The following TNFRSF11A variants were observed in gnomAD, a reference collection of about 807,000 sequenced individuals.
TNFRSF11A encodes TNF receptor superfamily member 11a.
In TNFRSF11A, 32 loss-of-function variants were observed where a neutral mutation model predicts 55.7. That is an observed-to-expected ratio of 0.57 (90% CI 0.43 to 0.77). The LOEUF (loss-of-function observed/expected upper bound fraction) is 0.77. Among genes scored for constraint, TNFRSF11A ranks in the 30% least tolerant of loss-of-function variants. The pLI is 0.00. For missense variants in TNFRSF11A, 753 were observed against 809.8 expected (o/e 0.93, Z 0.85); for synonymous variants, 311 against 331.0 (o/e 0.94, Z 0.65).
rs1272074772 is a variant in TNFRSF11A, at chr18:62,384,880, T to G, written c.1697T>G (p.Met566Arg). ...QEGAAAAAEPMGRPVQEETLA... is the reference protein window; with the variant it reads ...QEGAAAAAEPRGRPVQEETLA... ...GGCGCGGCGGCGGCTGCGGAGCCCA[T>G]GGGCCGCCCGGTGCAGGAGGAGACC... is the stretch of plus-strand genomic sequence containing the variant. The change falls in exon 10 of 10, where the codon ATG becomes AGG. Residue 566 changes from methionine (M) to arginine (R), a missense_variant. By Grantham distance (91) the Met-to-Arg change is moderately conservative. Transcript: ENST00000586569. 1 of 1,594,102 alleles carries G rather than the reference T, an allele frequency of 6.3e-7. No individual in the cohort carries two copies. The highest frequency in any genetic ancestry group is 1.7e-5 in the Admixed American group (1 of 57,262).
chr18:62,383,493 G>T lies in TNFRSF11A; in HGVS notation c.1568-1258G>T, dbSNP rs116879043. On this transcript the variant is annotated intron_variant, in intron 9 of 9. Coordinates refer to ENST00000586569, the MANE Select transcript of TNFRSF11A (RefSeq NM_003839.4). The surrounding 1 kb of genome is among the most constrained non-coding windows in gnomAD (Gnocchi z 4.2). The stretch of plus-strand genomic sequence containing the variant: ...AATGGAGAAGAAAAAGGGGTGAATC[G>T]TGAGGAGCCATTTTGACATTCCTGG... 6.6e-6 allele frequency among the ~76,000 whole-genome samples: 1 copy of T among 152,124 alleles called. No individual in the cohort carries two copies. Among genetic ancestry groups the T allele is most frequent in the Non-Finnish European group, 1.5e-5 (1 of 68,034 alleles).
In TNFRSF11A at chr18:62,385,622, A is replaced by T. The variant is rs1283154108; in HGVS notation, c.*588A>T. 1 of 151,840 alleles carries T rather than the reference A, an allele frequency of 6.6e-6. No individual in the cohort carries two copies. Among genetic ancestry groups the T allele is most frequent in the Admixed American group, 6.6e-5 (1 of 15,228 alleles). 9.4% of individuals were successfully genotyped at this position (151,840 alleles called of 1,614,324 possible). A position where few individuals can be genotyped will look rare whatever the true frequency, so the allele number is the denominator to read the frequency against. On this transcript the variant is annotated 3_prime_UTR_variant, in exon 10 of 10. Transcript: ENST00000586569. ...CACCTCAACCTTCGGAGTAGCTGGG[A>T]TCACAGCTGCAGGCCACGCCCAGCT...
At chr18:62,358,161 T>C in intron 4 of TNFRSF11A, 87 bp from the exon 5 acceptor site, 1 of 1,310,288 alleles carries the variant, frequency 7.6e-7, no homozygotes, top group Admixed American at 1.7e-5. Flanking sequence ...TCCAGTCCTC[T>C]GGAGTCCCAG....
intron 7 of TNFRSF11A, among the ~76,000 whole-genome samples, chr18:62,364,471 G>A (rs1348662654): frequency 6.6e-6 from 1 of 152,136 alleles, no homozygotes; most frequent in Non-Finnish European, 1.5e-5. Context: ...AGTAGATGCA[G>A]GCGCACCAGT....
intron 1 of TNFRSF11A, among the ~76,000 whole-genome samples, chr18:62,331,218 ATAAATAG>A (rs1229546061): frequency 8.5e-6 from 1 of 117,154 alleles, no homozygotes; most frequent in Admixed American, 9.2e-5. Flanking sequence ...AAATAAATAA[ATAAATAG>A]TAAATAAATA....
chr18:62,334,118 G>A (rs1053396593), intron 1 of TNFRSF11A, among the ~76,000 whole-genome samples: 8 of 152,050 alleles, frequency 5.3e-5, no homozygotes, highest in African/African-American at 1.9e-4. Flanking sequence ...TGCCCGCCTC[G>A]GCCTCCCAAA....
rs772749823 is a variant in TNFRSF11A at position 62,361,691 on chromosome 18, T to C, written c.628T>C (p.Tyr210His). Residue 210 changes from tyrosine (Y) to histidine (H), a missense_variant, in exon 7 of 10, where the codon TAC becomes CAC. Physicochemically the swap from Tyr to His is moderately conservative, Grantham distance 83. Transcript: ENST00000586569. The stretch of plus-strand genomic sequence containing the variant: ...TTCTTCCAATACAGAACCCCATGTT[T>C]ACTTGCCCGGTTTAATAATTCTGCT... ...ARKPPNEPHV[Y>H]LPGLIILLLF... The C allele has an allele frequency of 4.3e-6, 7 of 1,614,012 alleles. No individual in the cohort carries two copies. The Admixed American group carries it at 8.3e-5, about 19-fold the overall frequency.
In TNFRSF11A at chr18:62,325,487, A is replaced by G; in HGVS notation, c.75+60A>G. On this transcript the variant is annotated intron_variant, in intron 1 of 9. Coordinates refer to ENST00000586569, the MANE Select transcript of TNFRSF11A (RefSeq NM_003839.4). The surrounding 1 kb of genome is among the most constrained non-coding windows in gnomAD (Gnocchi z 4.7). The stretch of plus-strand genomic sequence containing the variant: ...CCGACGCCTCCTCGGGAGCCCCGGG[A>G]AGGGCCGGGGCCGGCGGCATCCTGG... The G allele has an allele frequency of 9.2e-7, 1 of 1,092,224 alleles. No individual in the cohort carries two copies. The highest frequency in any genetic ancestry group is 1.1e-6 in the Non-Finnish European group (1 of 878,314). 67.7% of individuals were successfully genotyped at this position (1,092,224 alleles called of 1,614,324 possible). A position where few individuals can be genotyped will look rare whatever the true frequency, so the allele number is the denominator to read the frequency against.
rs1462580519 is a variant in TNFRSF11A, at chr18:62,384,845, C to T, written c.1662C>T (p.Thr554=). The change falls in exon 10 of 10, where the codon ACC becomes ACT. Residue 554 remains threonine, a synonymous_variant. Transcript: ENST00000586569. ...GDIIVVYVSQ[T]SQEGAAAAAE... ...TCATCGTGGTCTACGTCAGCCAGAC[C>T]TCGCAGGAGGGCGCGGCGGCGGCTG... 6.2e-7 allele frequency: 1 copy of T among 1,610,530 alleles called. No homozygotes were observed. The highest frequency in any genetic ancestry group is 2.2e-5 in the East Asian group (1 of 44,798).
chr18:62,360,683 G>A (rs1568485607), intron 6 of TNFRSF11A, among the ~76,000 whole-genome samples: 1 of 152,144 alleles, frequency 6.6e-6, no homozygotes, highest in Non-Finnish European at 1.5e-5. Context: ...CTGGCCCCAG[G>A]TGATCTGCCC....
chr18:62,354,574 C>G (rs1568482494), intron 4 of TNFRSF11A, 40 bp downstream of exon 4: 1 of 1,599,438 alleles, frequency 6.3e-7, no homozygotes, highest in African/African-American at 1.3e-5. Flanking sequence ...TCTTGCTGAG[C>G]CATGCAAAGC....
At chr18:62,351,447 A>G (rs1248128114) in intron 3 of TNFRSF11A, among the ~76,000 whole-genome samples, 1 of 152,222 alleles carries the variant, frequency 6.6e-6, no homozygotes, top group South Asian at 2.1e-4. Context: ...GAATATTAGA[A>G]CCATGTAATA....
chr18:62,348,984 C>T (rs1027343870), intron 2 of TNFRSF11A, among the ~76,000 whole-genome samples: 1 of 152,056 alleles, frequency 6.6e-6, no homozygotes, highest in South Asian at 2.1e-4. Context: ...AACCATGAGC[C>T]GGTAGTAAGT....
chr18:62,376,094 C>CAGT, intron 9 of TNFRSF11A, among the ~76,000 whole-genome samples: 1 of 152,204 alleles, frequency 6.6e-6, no homozygotes, highest in East Asian at 1.9e-4. Flanking sequence ...GAGGGAGAGG[C>CAGT]AGTAGCCAGG....
rs1055367905 is a variant in TNFRSF11A, at chr18:62,388,130, A to G, written c.*3096A>G. 1.3e-5 allele frequency: 2 copies of G among 152,190 alleles called. No individual in the cohort carries two copies. Among genetic ancestry groups the G allele is most frequent in the Non-Finnish European group, 2.9e-5 (2 of 68,080 alleles). The allele number at this position is 152,190 out of a possible 1,614,324, so 9.4% of individuals were successfully genotyped here. A position where few individuals can be genotyped will look rare whatever the true frequency, so the allele number is the denominator to read the frequency against. Reference sequence around the variant, plus strand: ...AAAACCACCACTTATTTAGCTCCCAATTCTATGGGTTGGATCAGCTTGGGT... The same window carrying G: ...AAAACCACCACTTATTTAGCTCCCAGTTCTATGGGTTGGATCAGCTTGGGT... On this transcript the variant is annotated 3_prime_UTR_variant, in exon 10 of 10. Coordinates refer to ENST00000586569, the MANE Select transcript of TNFRSF11A (RefSeq NM_003839.4).
Position 62,385,333 on chromosome 18 carries a change from T to A in TNFRSF11A, c.*299T>A. On this transcript the variant is annotated 3_prime_UTR_variant, in exon 10 of 10. Coordinates refer to ENST00000586569, the MANE Select transcript of TNFRSF11A (RefSeq NM_003839.4). ...ACTATGACAGCTATTTTTATGACTA[T>A]CCTGTTCTGTGGGGGGGGGGGTCTG... is the stretch of plus-strand genomic sequence containing the variant. The A allele has an allele frequency of 4.8e-6, 1 of 207,206 alleles. No individual in the cohort carries two copies. The highest frequency in any genetic ancestry group is 9.0e-6 in the Non-Finnish European group (1 of 110,728). 12.8% of individuals were successfully genotyped at this position (207,206 alleles called of 1,614,324 possible).
chr18:62,358,225 GTT>G lies in TNFRSF11A; in HGVS notation c.428-9_428-8del, dbSNP rs71160827. The G allele has an allele frequency of 0.15, 221,362 of 1,447,818 alleles. 5,043 individuals are homozygous for G. Among genetic ancestry groups the G allele is most frequent in the Non-Finnish European group, 0.18 (189,728 of 1,061,092 alleles). 89.7% of individuals were successfully genotyped at this position (1,447,818 alleles called of 1,614,324 possible). A position where few individuals can be genotyped will look rare whatever the true frequency, so the allele number is the denominator to read the frequency against. Reference sequence around the variant, plus strand: ...GTTTTTTGTTTGTTCTGTCTGGGTTGTTTTTTTTTTTTTTTCTCACAGTGCAG... The same window carrying G: ...GTTTTTTGTTTGTTCTGTCTGGGTTGTTTTTTTTTTTTTCTCACAGTGCAG... On this transcript the variant is annotated intron_variant, in intron 4 of 9. Coordinates refer to ENST00000586569, the MANE Select transcript of TNFRSF11A (RefSeq NM_003839.4).
In TNFRSF11A at chr18:62,390,597, C is replaced by T. The variant is rs1362785615; in HGVS notation, c.*5563C>T. ...TGGTTTCTCACGGGCAGGGGTAGCC[C>T]AGGAAACAAAGGCTGTATAGACTTT... is the stretch of plus-strand genomic sequence containing the variant. On this transcript the variant is annotated 3_prime_UTR_variant, in exon 10 of 10. Coordinates refer to ENST00000586569, the MANE Select transcript of TNFRSF11A (RefSeq NM_003839.4). 6.6e-6 allele frequency: 1 copy of T among 152,136 alleles called. No individual in the cohort carries two copies. Among genetic ancestry groups the T allele is most frequent in the East Asian group, 1.9e-4 (1 of 5,196 alleles). 9.4% of individuals were successfully genotyped at this position (152,136 alleles called of 1,614,324 possible). A position where few individuals can be genotyped will look rare whatever the true frequency, so the allele number is the denominator to read the frequency against.
chr18:62,331,070 G>A (rs1171985960), intron 1 of TNFRSF11A, among the ~76,000 whole-genome samples: 1 of 152,066 alleles, frequency 6.6e-6, no homozygotes, highest in Non-Finnish European at 1.5e-5. Context: ...CCGGCGTGAG[G>A]GTACATGCCT....
Sources: allele counts gnomAD v4.1 joint callset (sites outside exome capture counted in the v4.1 genomes callset), GRCh38; gene constraint gnomAD v4.1.1; non-coding constraint Gnocchi (gnomAD v3.1); transcripts MANE v1.5; gene names NCBI Gene and HGNC (gene_info 2026-07-23, HGNC 2026-07-21).